ROBO1: variants seen among roughly 807,000 people sequenced by gnomAD.
ROBO1 encodes roundabout homolog 1.
A neutral mutation model predicts 195.9 loss-of-function variants in ROBO1; 149 were observed. That is an observed-to-expected ratio of 0.76 (90% CI 0.67 to 0.87). The LOEUF (loss-of-function observed/expected upper bound fraction) is 0.87, where lower values mean the gene tolerates loss of function less well. Ranked by LOEUF, ROBO1 falls within the 40% of genes least tolerant of loss-of-function variation. ROBO1 has a pLI of 0.00. For synonymous variants in ROBO1, 816 were observed against 733.2 expected (o/e 1.11, Z -1.82); for missense variants, 1,933 against 2,068.3 (o/e 0.93, Z 1.27).
At chr3:79,595,229 G>A (rs1944128431) in intron 1 of ROBO1, among the ~76,000 whole-genome samples, 1 of 151,876 alleles carries the variant, frequency 6.6e-6, no homozygotes, top group African/African-American at 2.4e-5. Flanking sequence ...TCAAAGAAAG[G>A]TTTGAAAATA....
chr3:79,610,888 T>G (rs1436088373), intron 1 of ROBO1, among the ~76,000 whole-genome samples: 1 of 151,954 alleles, frequency 6.6e-6, no homozygotes, highest in Non-Finnish European at 1.5e-5. Context: ...ACATTAGGAG[T>G]CTATCAACAC....
Position 78,938,849 on chromosome 3 carries a change from G to T in ROBO1, c.251C>A (p.Pro84His). ...TTCAGCTTTGCAGTTCAAAGTTGCA[G>T]GTTCTCCTTTTGAGACAATCAGGTC... ...PSDLIVSKGEPATLNCKAEGR... is the reference protein window; with the variant it reads ...PSDLIVSKGEHATLNCKAEGR... Residue 84 changes from proline (P) to histidine (H), a missense_variant, in exon 4 of 31, where the codon CCT (proline) becomes CAT (histidine). Pro to His is a moderately conservative substitution (Grantham distance 77). Around this residue, in one of 3 missense-constraint regions of ROBO1, gnomAD observed 185 missense variants for 159.5 expected, o/e 1.16. Coordinates refer to ENST00000464233, the MANE Select transcript of ROBO1 (RefSeq NM_002941.4). 1 of 1,614,022 alleles carries T rather than the reference G, an allele frequency of 6.2e-7. No individual in the cohort carries two copies. Among genetic ancestry groups the T allele is most frequent in the South Asian group, 1.1e-5 (1 of 91,090 alleles).
chr3:79,013,047 C>A (rs1160810344), intron 3 of ROBO1, among the ~76,000 whole-genome samples: 1 of 151,952 alleles, frequency 6.6e-6, no homozygotes, highest in African/African-American at 2.4e-5. Flanking sequence ...AAGGCTCAAC[C>A]CTTCCATGAT....
At chr3:79,563,571 T>G (rs915129455) in intron 2 of ROBO1, among the ~76,000 whole-genome samples, 3 of 152,132 alleles carry the variant, frequency 2.0e-5, no homozygotes, top group Admixed American at 6.6e-5. Context: ...CCATAGTCTT[T>G]ATTAATAATG....
chr3:79,200,706 A>G (rs1166294191), intron 2 of ROBO1, among the ~76,000 whole-genome samples: 1 of 151,936 alleles, frequency 6.6e-6, no homozygotes, highest in Non-Finnish European at 1.5e-5. Flanking sequence ...ACTCTAATGT[A>G]GCATGAAAAG....
intron 2 of ROBO1, among the ~76,000 whole-genome samples, chr3:79,344,477 C>T (rs1031829218): frequency 6.6e-6 from 1 of 152,022 alleles, no homozygotes; most frequent in Admixed American, 6.6e-5. Flanking sequence ...AATAGTTGAA[C>T]GCAATAAGTG....
chr3:78,713,300 A>T (rs1313518546), intron 8 of ROBO1, among the ~76,000 whole-genome samples: 2 of 152,148 alleles, frequency 1.3e-5, no homozygotes, highest in African/African-American at 4.8e-5. Flanking sequence ...AAAGCCCACA[A>T]GGCTCTTTTG....
At chr3:78,920,580 C>T (rs911992210) in intron 4 of ROBO1, among the ~76,000 whole-genome samples, 7 of 149,536 alleles carry the variant, frequency 4.7e-5, no homozygotes, top group Non-Finnish European at 8.9e-5. Flanking sequence ...GCTGGGATTA[C>T]AGGCATGAGC....
chr3:79,414,503 T>G (rs1331078471), intron 2 of ROBO1, among the ~76,000 whole-genome samples: 1 of 152,158 alleles, frequency 6.6e-6, no homozygotes, highest in East Asian at 1.9e-4. Flanking sequence ...CTGGGTAGTA[T>G]ATATTTATTC....
intron 2 of ROBO1, among the ~76,000 whole-genome samples, chr3:79,384,073 A>G (rs1397511088): frequency 1.3e-5 from 2 of 151,980 alleles, no homozygotes; most frequent in African/African-American, 4.8e-5. Context: ...TATCTTGTCC[A>G]TTTAAAAACA....
chr3:79,105,123 A>G (rs562547863), intron 3 of ROBO1, among the ~76,000 whole-genome samples: 1 of 151,956 alleles, frequency 6.6e-6, no homozygotes, highest in African/African-American at 2.4e-5. Context: ...GAAAACCATA[A>G]AGCAAAATAT....
At chr3:78,978,224 CT>C (rs2076922547) in intron 3 of ROBO1, among the ~76,000 whole-genome samples, 2 of 151,888 alleles carry the variant, frequency 1.3e-5, no homozygotes, top group African/African-American at 4.8e-5. Flanking sequence ...ATGCTTCCAT[CT>C]AGTGGCCAAT....
At chr3:78,976,498 A>G (rs1021880273) in intron 3 of ROBO1, among the ~76,000 whole-genome samples, 3 of 152,162 alleles carry the variant, frequency 2.0e-5, no homozygotes, top group African/African-American at 4.8e-5. Context: ...CATGCAGCCT[A>G]TATTTTCGGA....
At chr3:79,286,313 C>T (rs1178669991) in intron 2 of ROBO1, among the ~76,000 whole-genome samples, 1 of 152,166 alleles carries the variant, frequency 6.6e-6, no homozygotes, top group Admixed American at 6.5e-5. Flanking sequence ...ACTTCATATG[C>T]ATTCTACATT....
At chr3:79,124,020 G>A (rs996604998) in intron 3 of ROBO1, among the ~76,000 whole-genome samples, 3 of 152,034 alleles carry the variant, frequency 2.0e-5, no homozygotes, top group African/African-American at 4.8e-5. Flanking sequence ...TTTAGACTGG[G>A]TGAGTACAAG....
At chr3:79,326,600 C>T (rs925571453) in intron 2 of ROBO1, among the ~76,000 whole-genome samples, 9 of 152,128 alleles carry the variant, frequency 5.9e-5, no homozygotes, top group African/African-American at 2.2e-4. Context: ...TGTGAGAGAA[C>T]CTAAAAAGGA....
intron 2 of ROBO1, among the ~76,000 whole-genome samples, chr3:79,415,725 A>T (rs939813859): frequency 6.6e-6 from 1 of 152,192 alleles, no homozygotes; most frequent in Admixed American, 6.6e-5. Context: ...AAGCAGGAAG[A>T]CCAGTTAGAA....
chr3:79,041,356 A>G (rs1488143367), intron 3 of ROBO1, among the ~76,000 whole-genome samples: 2 of 152,036 alleles, frequency 1.3e-5, no homozygotes, highest in Non-Finnish European at 2.9e-5. Context: ...AGACTTGGAG[A>G]TTTCTCTTCC....
In ROBO1 at chr3:78,627,515, T is replaced by C; in HGVS notation, c.3681A>G (p.Gln1227=). 3.7e-6 allele frequency: 6 copies of C among 1,613,460 alleles called. No individual in the cohort carries two copies. The highest frequency in any genetic ancestry group is 5.1e-6 in the Non-Finnish European group (6 of 1,179,744). ...PVPPARMYLQ[Q]DELEEEEDER... ...CATCTTCCTCCTCTTCTAATTCATC[T>C]TGTTGCAAATACATCCTTGCTGGTG... The change falls in exon 26 of 31, where the codon CAA becomes CAG. Residue 1227 remains glutamine, a synonymous_variant. Coordinates refer to ENST00000464233, the MANE Select transcript of ROBO1 (RefSeq NM_002941.4).
Sources: gnomAD v4.1 joint callset for allele counts (sites outside exome capture counted in the v4.1 genomes callset) on GRCh38, gnomAD v4.1.1 for gene constraint, gnomAD v4.1.1 regional missense constraint, MANE v1.5 for transcripts, NCBI Gene and HGNC (gene_info 2026-07-23, HGNC 2026-07-21) for gene names.